The following ULK4 variants were observed in gnomAD, a reference collection of about 807,000 sequenced individuals.
The protein encoded by ULK4 is inactive serine/threonine-protein kinase ULK4.
Under a neutral mutation model 160.6 loss-of-function variants are expected in ULK4, and 133 were observed. That is an observed-to-expected ratio of 0.83 (90% confidence interval 0.72 to 0.96). ULK4 has a LOEUF of 0.96. Among genes scored for constraint, ULK4 ranks in the 40% least tolerant of loss-of-function variants. ULK4 has a pLI of 0.00. For synonymous variants in ULK4, 534 were observed against 539.8 expected (o/e 0.99, Z 0.15); for missense variants, 1,580 against 1,499.5 (o/e 1.05, Z -0.89).
At chr3:41,302,037 T>C (rs1424214178) in intron 35 of ULK4, among the ~76,000 whole-genome samples, 2 of 151,808 alleles carry the variant, frequency 1.3e-5, no homozygotes, top group Admixed American at 6.6e-5. Context: ...ATGAGGGAGG[T>C]GATCATTTCC....
At chr3:41,558,563 G>T (rs940910560) in intron 32 of ULK4, among the ~76,000 whole-genome samples, 1 of 151,914 alleles carries the variant, frequency 6.6e-6, no homozygotes, top group African/African-American at 2.4e-5. Context: ...AATTAGCCGG[G>T]CATGGTGGTG....
At chr3:41,826,108 T>C (rs201704865) in intron 18 of ULK4, among the ~76,000 whole-genome samples, 38,577 of 151,792 alleles carry the variant, frequency 0.25, 6,035 homozygotes, top group African/African-American at 0.45. Flanking sequence ...CAAACAAATT[T>C]TGACAGATTT....
intron 21 of ULK4, among the ~76,000 whole-genome samples, chr3:41,787,616 G>A (rs549395194): frequency 8.9e-4 from 136 of 152,274 alleles, no homozygotes; most frequent in Middle Eastern, 3.4e-3. Context: ...TAGACTTTCA[G>A]TTTTGCAGGA....
At chr3:41,370,647 A>G (rs1032114693) in intron 35 of ULK4, among the ~76,000 whole-genome samples, 2 of 152,192 alleles carry the variant, frequency 1.3e-5, no homozygotes, top group Non-Finnish European at 1.5e-5. Flanking sequence ...TGCTTTCCCC[A>G]TGGTCTTTGC....
intron 19 of ULK4, among the ~76,000 whole-genome samples, chr3:41,811,663 G>A (rs1459572998): frequency 2.6e-5 from 4 of 152,186 alleles, no homozygotes; most frequent in Non-Finnish European, 5.9e-5. Flanking sequence ...ATTAATAAAT[G>A]TTGCACGAAT....
chr3:41,367,210 A>G (rs1375566003), intron 35 of ULK4, among the ~76,000 whole-genome samples: 2 of 152,206 alleles, frequency 1.3e-5, no homozygotes, highest in Non-Finnish European at 2.9e-5. Context: ...ATGAAGGTCT[A>G]TGAGTACTGG....
rs2088103677 is a variant in ULK4, at chr3:41,574,244, C to T, written c.3121-8114G>A. Among the ~76,000 whole-genome samples the T allele has an allele frequency of 3.3e-5, 5 of 152,272 alleles. No individual in the cohort carries two copies. In the South Asian group the frequency reaches 1.0e-3, roughly 32 times the overall value. ...TCTAAATTGAGTTCATCTCCCTTTG[C>T]CTTCACACTTTCCTTTCTGTTTCCT... On this transcript the variant is annotated intron_variant, in intron 31 of 36. Coordinates refer to ENST00000301831, the MANE Select transcript of ULK4 (RefSeq NM_017886.4).
At chr3:41,581,345 C>T (rs895463914) in intron 31 of ULK4, among the ~76,000 whole-genome samples, 2 of 152,078 alleles carry the variant, frequency 1.3e-5, no homozygotes, top group Non-Finnish European at 2.9e-5. Flanking sequence ...CCCATTTGGA[C>T]ACAATGAATG....
At chr3:41,634,272 C>A (rs372875419) in intron 30 of ULK4, among the ~76,000 whole-genome samples, 29 of 152,184 alleles carry the variant, frequency 1.9e-4, no homozygotes, top group African/African-American at 6.8e-4. Flanking sequence ...ATTGCCTGAC[C>A]ATCACTCTGG....
At chr3:41,757,608 C>A (rs1442740959) in intron 21 of ULK4, among the ~76,000 whole-genome samples, 1 of 135,000 alleles carries the variant, frequency 7.4e-6, no homozygotes. Context: ...CTCCAGCCTG[C>A]GCAACAGAGC....
intron 31 of ULK4, among the ~76,000 whole-genome samples, chr3:41,598,661 C>T (rs1559423037): frequency 6.7e-6 from 1 of 150,192 alleles, no homozygotes; most frequent in Admixed American, 6.6e-5. Context: ...CACATCCACC[C>T]CCTACATATA....
chr3:41,360,713 C>T (rs1011090327), intron 35 of ULK4, among the ~76,000 whole-genome samples: 38 of 152,116 alleles, frequency 2.5e-4, no homozygotes, highest in African/African-American at 7.5e-4. Flanking sequence ...GGAGCCTGAA[C>T]GATGAGAACA....
chr3:41,927,851 T>C (rs1380243060), intron 5 of ULK4, among the ~76,000 whole-genome samples: 1 of 151,516 alleles, frequency 6.6e-6, no homozygotes, highest in African/African-American at 2.4e-5. Flanking sequence ...TTCAGATTCA[T>C]AAAGCAAGTT....
intron 35 of ULK4, among the ~76,000 whole-genome samples, chr3:41,388,214 T>C (rs146301201): frequency 0.58 from 87,470 of 151,930 alleles, 26,838 homozygotes; most frequent in African/African-American, 0.81. Context: ...CACTTGTTGA[T>C]GGGGTTGTTC....
intron 32 of ULK4, among the ~76,000 whole-genome samples, chr3:41,491,785 GTTA>G (rs1380827548): frequency 3.8e-5 from 2 of 53,064 alleles, no homozygotes; most frequent in Non-Finnish European, 4.4e-5. Context: ...CAATGTGCAG[GTTA>G]GTTACATATG....
At chr3:41,723,020 C>T (rs1397160987) in intron 22 of ULK4, among the ~76,000 whole-genome samples, 2 of 152,162 alleles carry the variant, frequency 1.3e-5, no homozygotes, top group Non-Finnish European at 2.9e-5. Context: ...TTTATTCCCA[C>T]CAGTAGTGTA....
At chr3:41,348,424 G>C (rs60471819) in intron 35 of ULK4, among the ~76,000 whole-genome samples, 1 of 151,956 alleles carries the variant, frequency 6.6e-6, no homozygotes, top group Non-Finnish European at 1.5e-5. Context: ...TTGTGCAAGG[G>C]CTTTATTGAC....
At chr3:41,774,156 G>A (rs548074744) in intron 21 of ULK4, among the ~76,000 whole-genome samples, 2 of 151,926 alleles carry the variant, frequency 1.3e-5, no homozygotes, top group Non-Finnish European at 2.9e-5. Flanking sequence ...CAGGACATAG[G>A]CATGGGCAAG....
chr3:41,910,626 T>TA (rs35663677), intron 11 of ULK4, among the ~76,000 whole-genome samples: 123,463 of 151,744 alleles, frequency 0.81, 54,566 homozygotes, highest in Non-Finnish European at 0.98. Context: ...AATGAAAGAA[T>TA]AAAAAAGTAT....
Sources: gnomAD v4.1 joint callset for allele counts (sites outside exome capture counted in the v4.1 genomes callset) on GRCh38, gnomAD v4.1.1 for gene constraint, MANE v1.5 for transcripts, NCBI Gene and HGNC (gene_info 2026-07-23, HGNC 2026-07-21) for gene names.